RAP1GDS1: variants seen among roughly 807,000 people sequenced by gnomAD.
RAP1GDS1 encodes Rap1 GTPase-GDP dissociation stimulator 1.
Under a neutral mutation model 71.1 loss-of-function variants are expected in RAP1GDS1, and 35 were observed. The ratio of observed to expected loss-of-function variants is 0.49; its 90% confidence interval spans 0.38 to 0.65. RAP1GDS1 has a LOEUF of 0.65. Among genes scored for constraint, RAP1GDS1 ranks in the 30% least tolerant of loss-of-function variants. The pLI is 0.00. For synonymous variants in RAP1GDS1, 229 were observed against 243.1 expected, an observed-to-expected ratio of 0.94 and a Z score of 0.54; for missense variants, 663 against 706.1, an observed-to-expected ratio of 0.94 and a Z score of 0.69.
At chr4:98,407,534 CTT>C (rs34763885) in intron 7 of RAP1GDS1, among the ~76,000 whole-genome samples, 6,370 of 152,008 alleles carry the variant, frequency 0.042, 310 homozygotes, top group African/African-American at 0.12. Flanking sequence ...GAAATAATGT[CTT>C]TTGCAGCAAC....
intron 2 of RAP1GDS1, among the ~76,000 whole-genome samples, chr4:98,340,377 G>A (rs1478404994): frequency 1.3e-5 from 2 of 152,132 alleles, no homozygotes; most frequent in South Asian, 2.1e-4. Flanking sequence ...CATGGATGAA[G>A]CTGTAGGTCA....
intron 12 of RAP1GDS1, among the ~76,000 whole-genome samples, chr4:98,424,630 G>A (rs749315777): frequency 4.6e-5 from 7 of 151,986 alleles, no homozygotes; most frequent in South Asian, 2.1e-4. Flanking sequence ...GCATGGTGGC[G>A]TGCGCCTGTA....
chr4:98,407,235 C>T (rs546847604), intron 7 of RAP1GDS1, among the ~76,000 whole-genome samples: 1 of 152,008 alleles, frequency 6.6e-6, no homozygotes, highest in East Asian at 1.9e-4. Context: ...TTATTTGAAT[C>T]TTCTCTCTTT....
intron 10 of RAP1GDS1, 39 bp from the exon 11 acceptor site, chr4:98,419,980 G>T: frequency 6.5e-7 from 1 of 1,531,848 alleles, no homozygotes; most frequent in Non-Finnish European, 8.9e-7. Context: ...CAACAGGAAT[G>T]CTAATACCAT....
intron 1 of RAP1GDS1, among the ~76,000 whole-genome samples, chr4:98,264,443 A>G (rs1190359052): frequency 6.6e-6 from 1 of 152,156 alleles, no homozygotes; most frequent in Non-Finnish European, 1.5e-5. Context: ...TTCCTACACA[A>G]GAGAGTGAAA....
intron 4 of RAP1GDS1, among the ~76,000 whole-genome samples, chr4:98,378,647 A>ACTT (rs142788706): frequency 0.14 from 21,394 of 151,820 alleles, 2,134 homozygotes; most frequent in African/African-American, 0.28. Context: ...AGGGACAAAA[A>ACTT]CTTATATCAA....
chr4:98,350,392 T>A (rs1295796191), intron 3 of RAP1GDS1, among the ~76,000 whole-genome samples: 3 of 152,068 alleles, frequency 2.0e-5, no homozygotes, highest in African/African-American at 7.2e-5. Context: ...TTAATATGAG[T>A]TAGTAGCATG....
chr4:98,280,027 G>A (rs1724823551), intron 1 of RAP1GDS1, among the ~76,000 whole-genome samples: 2 of 152,138 alleles, frequency 1.3e-5, no homozygotes, highest in Admixed American at 6.6e-5. Flanking sequence ...ATTTGGGTTC[G>A]TTCCCAGTCT....
At chr4:98,369,663 A>G (rs1740062062) in intron 4 of RAP1GDS1, among the ~76,000 whole-genome samples, 1 of 152,204 alleles carries the variant, frequency 6.6e-6, no homozygotes. Flanking sequence ...TACTGACAGA[A>G]AACAGTGGTT....
At chr4:98,299,938 A>G (rs1728328525) in intron 2 of RAP1GDS1, among the ~76,000 whole-genome samples, 1 of 152,114 alleles carries the variant, frequency 6.6e-6, no homozygotes, top group South Asian at 2.1e-4. Context: ...GTTTTTTGAG[A>G]TGGAATCTAC....
At chr4:98,411,197 G>A (rs745921206) in intron 7 of RAP1GDS1, among the ~76,000 whole-genome samples, 4 of 152,196 alleles carry the variant, frequency 2.6e-5, no homozygotes, top group Non-Finnish European at 5.9e-5. Context: ...AAATGTGCTG[G>A]GCTGTCTGCT....
rs556373937 is a variant in RAP1GDS1, at chr4:98,355,718, G to A, written c.361+3117G>A. Among the ~76,000 whole-genome samples, 11 of 152,240 alleles carry A rather than the reference G, an allele frequency of 7.2e-5. No homozygotes were observed. The East Asian group carries it at 2.1e-3, about 29-fold the overall frequency. Reference sequence around the variant, plus strand: ...ACCATAAAATCCGTGGAAATCTTTGGAGAAAAACTAGGTCAGATTTCAGTT... The same window carrying A: ...ACCATAAAATCCGTGGAAATCTTTGAAGAAAAACTAGGTCAGATTTCAGTT... On this transcript the variant is annotated intron_variant, in intron 4 of 14. Coordinates refer to ENST00000408927, the MANE Select transcript of RAP1GDS1 (RefSeq NM_001100427.2).
chr4:98,270,049 G>C (rs1034466929), intron 1 of RAP1GDS1, among the ~76,000 whole-genome samples: 1 of 152,114 alleles, frequency 6.6e-6, no homozygotes, highest in African/African-American at 2.4e-5. Context: ...TGCAGGTTTG[G>C]TCTTTGGTTT....
At chr4:98,356,781 T>C (rs773104547) in intron 4 of RAP1GDS1, among the ~76,000 whole-genome samples, 2 of 151,940 alleles carry the variant, frequency 1.3e-5, no homozygotes, top group Non-Finnish European at 2.9e-5. Context: ...TGCTGATGAG[T>C]AAATATTAAA....
At chr4:98,339,129 C>G (rs1016551203) in intron 2 of RAP1GDS1, among the ~76,000 whole-genome samples, 2 of 152,150 alleles carry the variant, frequency 1.3e-5, no homozygotes, top group Admixed American at 1.3e-4. Flanking sequence ...CCAAGTTTCT[C>G]TGGCCTGATT....
chr4:98,342,561 A>G (rs1735637241), intron 2 of RAP1GDS1, among the ~76,000 whole-genome samples: 2 of 152,152 alleles, frequency 1.3e-5, no homozygotes, highest in Admixed American at 6.5e-5. Context: ...TAGAGTTCAG[A>G]ATACTATGGG....
intron 5 of RAP1GDS1, among the ~76,000 whole-genome samples, chr4:98,388,330 GC>G (rs1743072423): frequency 6.6e-6 from 1 of 152,066 alleles, no homozygotes; most frequent in Non-Finnish European, 1.5e-5. Context: ...TTCCTACCAA[GC>G]TTTTATCTAA....
At chr4:98,306,999 A>C (rs992320001) in intron 2 of RAP1GDS1, among the ~76,000 whole-genome samples, 18 of 152,098 alleles carry the variant, frequency 1.2e-4, no homozygotes, top group African/African-American at 4.3e-4. Context: ...GAAATAATAA[A>C]ATTTAGTGAA....
intron 2 of RAP1GDS1, among the ~76,000 whole-genome samples, chr4:98,305,594 A>G (rs550333588): frequency 2.0e-5 from 3 of 152,304 alleles, no homozygotes; most frequent in East Asian, 1.9e-4. Flanking sequence ...CTTAAAATCA[A>G]TCTCTCACAA....
Sources: gnomAD v4.1 joint callset for allele counts (sites outside exome capture counted in the v4.1 genomes callset) on GRCh38, gnomAD v4.1.1 for gene constraint, MANE v1.5 for transcripts, NCBI Gene and HGNC (gene_info 2026-07-23, HGNC 2026-07-21) for gene names.